FAM149A: variants seen among roughly 807,000 people sequenced by gnomAD.
The protein encoded by FAM149A is protein FAM149A.
A neutral mutation model predicts 78.2 loss-of-function variants in FAM149A; 71 were observed. The observed-to-expected ratio is 0.91, with a 90% CI of 0.75 to 1.11. The LOEUF (loss-of-function observed/expected upper bound fraction) is 1.11. Among genes scored for constraint, FAM149A ranks in the 50% least tolerant of loss-of-function variants. FAM149A has a pLI of 0.00. For missense variants in FAM149A, 1,036 were observed against 971.0 expected (o/e 1.07, Z -0.89); for synonymous variants, 446 against 410.5 (o/e 1.09, Z -1.04).
chr4:186,130,263 A>ATCTCTCTCTCCCTCTC (rs1554068049), intron 1 of FAM149A: 1 of 67,098 alleles, frequency 1.5e-5, no homozygotes, highest in Admixed American at 1.9e-4. Context: ...ACTTTATGAA[A>ATCTCTCTCTCCCTCTC]TCTCTCTCTC....
At chr4:186,143,149 C>CTTTTTTTTTTTTTTTTTTTTTTTTTT (rs141403092) in intron 1 of FAM149A, among the ~76,000 whole-genome samples, 1 of 85,038 alleles carries the variant, frequency 1.2e-5, no homozygotes, top group Non-Finnish European at 2.4e-5. Flanking sequence ...TCGATTTTTA[C>CTTTTTTTTTTTTTTTTTTTTTTTTTT]TTTTTTTTTT....
Position 186,105,216 on chromosome 4 carries a change from C to T in FAM149A, c.140C>T (p.Pro47Leu), listed in dbSNP as rs1037364163. 1 of 1,266,642 alleles carries T rather than the reference C, an allele frequency of 7.9e-7. No individual in the cohort carries two copies. The highest frequency in any genetic ancestry group is 1.0e-6 in the Non-Finnish European group (1 of 979,202). 78.5% of individuals were successfully genotyped at this position (1,266,642 alleles called of 1,614,324 possible). Residue 47 changes from proline to leucine, a missense_variant, in exon 1 of 14, where the codon CCG becomes CTG. Transcript: ENST00000389354. ...TCGGGGGGCTCCAGGGCGGGCACCCCGTTGGGTACCGCCCCGACCCTCCTC... is the reference window on the plus strand; with the variant it reads ...TCGGGGGGCTCCAGGGCGGGCACCCTGTTGGGTACCGCCCCGACCCTCCTC...
rs369066270 is a variant in FAM149A at position 186,152,001 on chromosome 4, G to T, written c.888G>T (p.Leu296=). 1 of 1,614,062 alleles carries T rather than the reference G, an allele frequency of 6.2e-7. No homozygotes were observed. Among genetic ancestry groups the T allele is most frequent in the African/African-American group, 1.3e-5 (1 of 74,914 alleles). Residue 296 remains leucine (L), a synonymous_variant, in exon 4 of 14, where the codon CTG becomes CTT. Transcript: ENST00000389354. Reference sequence around the variant, plus strand: ...AAGTGAACCCTCAGACCCAGAGTCTGCTGGCCGAATGCGGGGAGTGGACAA... The same window carrying T: ...AAGTGAACCCTCAGACCCAGAGTCTTCTGGCCGAATGCGGGGAGTGGACAA...
At chr4:186,135,973 T>C (rs895340061) in intron 1 of FAM149A, among the ~76,000 whole-genome samples, 1 of 152,196 alleles carries the variant, frequency 6.6e-6, no homozygotes, top group African/African-American at 2.4e-5. Flanking sequence ...GAGTTGGGGC[T>C]TACAGATGTA....
At position 186,149,611 on chromosome 4, in the gene FAM149A, G is replaced by C. The variant is rs758406540; in HGVS notation, c.696G>C (p.Thr232=). The change falls in exon 3 of 14, where the codon ACG becomes ACC. Residue 232 remains threonine (T), a synonymous_variant. Coordinates refer to ENST00000389354, the MANE Select transcript of FAM149A (RefSeq NM_001367768.3). ...CCTCCAGCGGAAGCCATACACCCAC[G>C]GGAGCCCACACCTCTTGGTCTGGGT... 5 of 1,289,758 alleles carry C rather than the reference G, an allele frequency of 3.9e-6. No homozygotes were observed. In the African/African-American group the frequency reaches 7.6e-5, roughly 20 times the overall value. 79.9% of individuals were successfully genotyped at this position (1,289,758 alleles called of 1,614,324 possible).
At chr4:186,131,303 A>G (rs548354246) in intron 1 of FAM149A, among the ~76,000 whole-genome samples, 1 of 152,120 alleles carries the variant, frequency 6.6e-6, no homozygotes, top group South Asian at 2.1e-4. Context: ...AGCTGAGATC[A>G]TGCCACTGCA....
Position 186,105,522 on chromosome 4 carries a change from C to G in FAM149A, c.446C>G (p.Pro149Arg), listed in dbSNP as rs762984958. The G allele has an allele frequency of 1.0e-5, 12 of 1,155,104 alleles. No homozygotes were observed. The highest frequency in any genetic ancestry group is 2.9e-4 in the Middle Eastern group (1 of 3,434). 71.6% of individuals were successfully genotyped at this position (1,155,104 alleles called of 1,614,324 possible). Residue 149 changes from proline (P) to arginine (R), a missense_variant, in exon 1 of 14, where the codon CCC (proline) becomes CGC (arginine). By Grantham distance (103) the Pro-to-Arg change is moderately radical (BLOSUM62 -2). Around this residue, in one of 3 missense-constraint regions of FAM149A, gnomAD observed 316 missense variants for 241.9 expected, o/e 1.31. Coordinates refer to ENST00000389354, the MANE Select transcript of FAM149A (RefSeq NM_001367768.3). The stretch of plus-strand genomic sequence containing the variant: ...CCCAGGAACCCGCTCCAGCCTGGCC[C>G]CGGAGAGCGAGAGCTCGGCGCCTGC...
chr4:186,127,554 G>A (rs2126330230), intron 1 of FAM149A: 1 of 985,406 alleles, frequency 1.0e-6, no homozygotes, highest in East Asian at 1.1e-4. Flanking sequence ...TCCATCAGAG[G>A]ATGACATGTC....
intron 7 of FAM149A, 36 bp downstream of exon 7, chr4:186,156,226 A>G (rs370895680): frequency 1.9e-6 from 3 of 1,579,458 alleles, no homozygotes; most frequent in Non-Finnish European, 2.6e-6. Flanking sequence ...ATGAAAAGAA[A>G]AAGTCCCTGT....
intron 1 of FAM149A, chr4:186,117,466 C>T (rs1048563042): frequency 9.1e-6 from 9 of 985,170 alleles, no homozygotes; most frequent in African/African-American, 5.2e-5. Flanking sequence ...AGAGGAGGCG[C>T]GGAGATGATG....
At chr4:186,153,565 T>C (rs1180096176) in intron 4 of FAM149A, 80 bp from the exon 5 acceptor site, 1 of 1,545,606 alleles carries the variant, frequency 6.5e-7, no homozygotes, top group Non-Finnish European at 8.8e-7. Context: ...TTCAAAATCA[T>C]TGTCTCCTAC....
intron 1 of FAM149A, among the ~76,000 whole-genome samples, chr4:186,136,736 G>A (rs1030171925): frequency 6.6e-6 from 1 of 152,152 alleles, no homozygotes; most frequent in African/African-American, 2.4e-5. Context: ...TAGCGTCTCT[G>A]TATGATTTGT....
chr4:186,117,683 A>G (rs2099314312), intron 1 of FAM149A: 13 of 972,316 alleles, frequency 1.3e-5, no homozygotes, highest in Non-Finnish European at 1.6e-5. Flanking sequence ...GAGCCTGGAT[A>G]CTGGGCTCTC....
At chr4:186,158,743 G>T in intron 8 of FAM149A, 1 of 1,083,102 alleles carries the variant, frequency 9.2e-7, no homozygotes, top group Non-Finnish European at 1.1e-6. Context: ...CTATTCAGCC[G>T]TCCCTACTGC....
At chr4:186,127,340 A>G in intron 1 of FAM149A, 1 of 985,426 alleles carries the variant, frequency 1.0e-6, no homozygotes, top group Non-Finnish European at 1.2e-6. Flanking sequence ...ACTTCACAGT[A>G]AACATCCTTC....
At chr4:186,129,992 A>G (rs2099319898) in intron 1 of FAM149A, 1 of 152,132 alleles carries the variant, frequency 6.6e-6, no homozygotes, top group African/African-American at 2.4e-5. Context: ...TATAGGCACC[A>G]ATAACATCGT....
At position 186,172,235 on chromosome 4, in the gene FAM149A, C is replaced by G. The variant is rs542634033; in HGVS notation, c.*248C>G. ...TTCTGTAGGCTTTGTTCAGAAGCCC[C>G]TGATGTGTGTTTGCAGTCCGTCATT... is the stretch of plus-strand genomic sequence containing the variant. On this transcript the variant is annotated 3_prime_UTR_variant, in exon 14 of 14. Coordinates refer to ENST00000389354, the MANE Select transcript of FAM149A (RefSeq NM_001367768.3). The G allele has an allele frequency of 5.9e-4, 252 of 425,304 alleles. 4 individuals carry two copies. In the East Asian group the frequency reaches 9.6e-3, roughly 16 times the overall value. 26.3% of individuals were successfully genotyped at this position (425,304 alleles called of 1,614,324 possible). A position where few individuals can be genotyped will look rare whatever the true frequency, so the allele number is the denominator to read the frequency against.
At position 186,153,762 on chromosome 4, in the gene FAM149A, C is replaced by T. The variant is rs767332237; in HGVS notation, c.1050C>T (p.Asn350=). The T allele has an allele frequency of 6.2e-7, 1 of 1,606,644 alleles. No individual in the cohort carries two copies. Among genetic ancestry groups the T allele is most frequent in the Admixed American group, 1.7e-5 (1 of 59,694 alleles). Residue 350 remains asparagine (N), a synonymous_variant, in exon 5 of 14, where the codon AAC becomes AAT. Transcript: ENST00000389354. ...TCAGTGCCTGCGGACACAGCAGCAA[C>T]ATCAGAGAGTATGTTCAGATAAGTG...
chr4:186,146,216 T>C (rs922429884), intron 1 of FAM149A, among the ~76,000 whole-genome samples: 1 of 152,146 alleles, frequency 6.6e-6, no homozygotes, highest in Non-Finnish European at 1.5e-5. Flanking sequence ...CAAGTTTGTA[T>C]GTTATTACAC....
Sources: gnomAD v4.1 joint callset for allele counts (sites outside exome capture counted in the v4.1 genomes callset) on GRCh38, gnomAD v4.1.1 for gene constraint, gnomAD v4.1.1 regional missense constraint, MANE v1.5 for transcripts, NCBI Gene and HGNC (gene_info 2026-07-23, HGNC 2026-07-21) for gene names.